The following THEMIS variants were observed in gnomAD, a reference collection of about 807,000 sequenced individuals.
THEMIS encodes protein THEMIS.
THEMIS carries 37 observed loss-of-function variants against 52.6 expected under a neutral mutation model. The ratio of observed to expected loss-of-function variants is 0.70; its 90% CI spans 0.54 to 0.93. THEMIS has a LOEUF of 0.93. Ranked by LOEUF, THEMIS falls within the 40% of genes least tolerant of loss-of-function variation. The pLI is 0.00. For synonymous variants in THEMIS, 292 were observed against 272.7 expected (o/e 1.07, Z -0.70); for missense variants, 808 against 763.1 (o/e 1.06, Z -0.69).
At chr6:127,879,853 C>T (rs1332319951) in intron 1 of THEMIS, among the ~76,000 whole-genome samples, 2 of 152,048 alleles carry the variant, frequency 1.3e-5, no homozygotes, top group Non-Finnish European at 2.9e-5. Flanking sequence ...GCCTAGGCCA[C>T]TTCCACAGTT....
upstream of THEMIS, among the ~76,000 whole-genome samples, chr6:127,904,938 C>G (rs902138330): frequency 6.6e-6 from 1 of 151,032 alleles, no homozygotes; most frequent in Non-Finnish European, 1.5e-5. Flanking sequence ...AATATCTGCT[C>G]TCTCTCTTTC....
At chr6:127,916,361 C>T (rs1352405132) in intron 1 of THEMIS, among the ~76,000 whole-genome samples, 1 of 152,124 alleles carries the variant, frequency 6.6e-6, no homozygotes, top group Non-Finnish European at 1.5e-5. Context: ...CCACCACTGT[C>T]CTCCATCAAA....
At chr6:127,741,871 A>G (rs1322798967) in intron 4 of THEMIS, among the ~76,000 whole-genome samples, 2 of 152,194 alleles carry the variant, frequency 1.3e-5, no homozygotes. Context: ...AAAATGATAA[A>G]AGATATTGCT....
At chr6:127,895,515 G>A (rs181051282) in intron 1 of THEMIS, among the ~76,000 whole-genome samples, 3 of 151,456 alleles carry the variant, frequency 2.0e-5, no homozygotes, top group African/African-American at 4.8e-5. Context: ...GACAAAATAC[G>A]ATCTCAATAT....
intron 1 of THEMIS, among the ~76,000 whole-genome samples, chr6:127,886,901 G>T (rs1780663150): frequency 6.6e-6 from 1 of 152,034 alleles, no homozygotes. Flanking sequence ...TTCTTCTAGA[G>T]AATTAGTGAG....
intron 4 of THEMIS, among the ~76,000 whole-genome samples, chr6:127,738,446 C>A (rs1775081921): frequency 6.6e-6 from 1 of 152,186 alleles, no homozygotes; most frequent in South Asian, 2.1e-4. Flanking sequence ...TATCTTATTA[C>A]AATAGCAAAG....
intron 5 of THEMIS, among the ~76,000 whole-genome samples, chr6:127,716,482 G>T (rs1230642037): frequency 2.0e-5 from 3 of 151,882 alleles, no homozygotes; most frequent in South Asian, 4.1e-4. Flanking sequence ...GATGCAGGGG[G>T]TATAAAGGTC....
intron 5 of THEMIS, among the ~76,000 whole-genome samples, chr6:127,713,743 T>C (rs1311318364): frequency 6.6e-6 from 1 of 151,838 alleles, no homozygotes; most frequent in East Asian, 1.9e-4. Context: ...GCCTTGAGGA[T>C]GGAGCTCTCC....
chr6:127,883,414 A>AT (rs201966251), intron 1 of THEMIS, among the ~76,000 whole-genome samples: 2,639 of 151,562 alleles, frequency 0.017, 82 homozygotes, highest in African/African-American at 0.06. Flanking sequence ...AAATTAACTA[A>AT]TTTAAATAAA....
At chr6:127,762,492 T>A (rs1016286349) in intron 4 of THEMIS, among the ~76,000 whole-genome samples, 2 of 152,120 alleles carry the variant, frequency 1.3e-5, no homozygotes, top group Non-Finnish European at 2.9e-5. Context: ...TATCATTCCT[T>A]ATGCACTCTG....
At chr6:127,730,140 G>A (rs1774714178) in intron 4 of THEMIS, among the ~76,000 whole-genome samples, 1 of 151,790 alleles carries the variant, frequency 6.6e-6, no homozygotes, top group Non-Finnish European at 1.5e-5. Context: ...GGTGGTGGGT[G>A]CCTGTAGTCC....
intron 4 of THEMIS, among the ~76,000 whole-genome samples, chr6:127,793,766 G>C: frequency 6.6e-6 from 1 of 152,180 alleles, no homozygotes; most frequent in East Asian, 1.9e-4. Flanking sequence ...CAGAATCACA[G>C]ATTGATAGAA....
At chr6:127,800,751 C>G (rs1191951535) in intron 4 of THEMIS, among the ~76,000 whole-genome samples, 2 of 152,112 alleles carry the variant, frequency 1.3e-5, no homozygotes, top group Non-Finnish European at 2.9e-5. Context: ...ACCTAGCTTC[C>G]CAGCCTACAT....
intron 1 of THEMIS, among the ~76,000 whole-genome samples, chr6:127,909,196 A>G (rs1781350479): frequency 6.6e-6 from 1 of 152,160 alleles, no homozygotes; most frequent in South Asian, 2.1e-4. Flanking sequence ...AAATGTATAC[A>G]TGAAACTGTG....
intron 1 of THEMIS, among the ~76,000 whole-genome samples, chr6:127,889,800 T>C (rs1379717207): frequency 6.6e-6 from 1 of 152,110 alleles, no homozygotes; most frequent in Non-Finnish European, 1.5e-5. Context: ...TCATTTACTT[T>C]CAATATACTA....
intron 4 of THEMIS, among the ~76,000 whole-genome samples, chr6:127,786,722 T>A (rs1163337490): frequency 6.6e-6 from 1 of 152,166 alleles, no homozygotes; most frequent in Non-Finnish European, 1.5e-5. Flanking sequence ...TATTTCAGCA[T>A]AAAGGCAATG....
At chr6:127,760,131 T>C (rs890902921) in intron 4 of THEMIS, among the ~76,000 whole-genome samples, 1 of 151,904 alleles carries the variant, frequency 6.6e-6, no homozygotes. Context: ...ACACTATTTG[T>C]TGAACAGATA....
chr6:127,775,899 C>A (rs768589512), intron 4 of THEMIS, among the ~76,000 whole-genome samples: 6 of 152,070 alleles, frequency 3.9e-5, no homozygotes, highest in Non-Finnish European at 7.4e-5. Context: ...AATACAAGCA[C>A]TTTGCCAGAT....
At chr6:127,899,463 A>G (rs1411373207) in intron 1 of THEMIS, among the ~76,000 whole-genome samples, 1 of 151,856 alleles carries the variant, frequency 6.6e-6, no homozygotes, top group Admixed American at 6.6e-5. Flanking sequence ...AGAGGTGAAC[A>G]TATAATATGA....
Sources: gnomAD v4.1 joint callset for allele counts (sites outside exome capture counted in the v4.1 genomes callset) on GRCh38, gnomAD v4.1.1 for gene constraint, MANE v1.5 for transcripts, NCBI Gene and HGNC (gene_info 2026-07-23, HGNC 2026-07-21) for gene names.